Variants in STAG1 observed in about 807,000 individuals in gnomAD.
The protein encoded by STAG1 is cohesin subunit SA-1.
Under a neutral mutation model 170.9 loss-of-function variants are expected in STAG1, and 26 were observed. The ratio of observed to expected loss-of-function variants is 0.15; its 90% CI spans 0.11 to 0.21. The LOEUF (loss-of-function observed/expected upper bound fraction) is 0.21, where lower values mean the gene tolerates loss of function less well. Ranked by LOEUF, STAG1 falls within the 10% of genes least tolerant of loss-of-function variation. STAG1 has a pLI of 1.00. For missense variants in STAG1, 964 were observed against 1,509.5 expected (o/e 0.64, Z 5.99); for synonymous variants, 514 against 497.7 (o/e 1.03, Z -0.44).
chr3:136,724,631 T>C (rs1328927738), intron 1 of STAG1, among the ~76,000 whole-genome samples: 4 of 148,960 alleles, frequency 2.7e-5, no homozygotes, highest in African/African-American at 9.9e-5. Flanking sequence ...TTGGAGAGCA[T>C]GAATACTTAG....
intron 26 of STAG1, among the ~76,000 whole-genome samples, chr3:136,359,507 CAG>C (rs1490831372): frequency 6.6e-6 from 1 of 152,164 alleles, no homozygotes; most frequent in Non-Finnish European, 1.5e-5. Context: ...TAAATGCAGA[CAG>C]AAATTTGTTT....
intron 1 of STAG1, among the ~76,000 whole-genome samples, chr3:136,737,554 T>A (rs1934412340): frequency 6.6e-6 from 1 of 152,238 alleles, no homozygotes; most frequent in African/African-American, 2.4e-5. Flanking sequence ...CTGCATTTTA[T>A]GTTCACTTTT....
At chr3:136,351,446 C>A (rs1193666395) in intron 28 of STAG1, among the ~76,000 whole-genome samples, 1 of 152,066 alleles carries the variant, frequency 6.6e-6, no homozygotes, top group East Asian at 1.9e-4. Flanking sequence ...AATAAAAGTG[C>A]TGGGAGTTGG....
chr3:136,699,303 C>T (rs926901339), intron 1 of STAG1, among the ~76,000 whole-genome samples: 6 of 152,188 alleles, frequency 3.9e-5, no homozygotes, highest in African/African-American at 1.4e-4. Context: ...GAGACCACTG[C>T]TTTATTCAAA....
chr3:136,532,819 TGGGGA>T (rs1935443758), intron 6 of STAG1, among the ~76,000 whole-genome samples: 2 of 152,182 alleles, frequency 1.3e-5, no homozygotes, highest in Non-Finnish European at 1.5e-5. Context: ...TCATACTGAA[TGGGGA>T]AAAGTTCAAA....
intron 1 of STAG1, among the ~76,000 whole-genome samples, chr3:136,750,693 C>A (rs186628849): frequency 3.0e-4 from 46 of 152,278 alleles, no homozygotes; most frequent in Non-Finnish European, 6.2e-4. Context: ...AAGGAAAATG[C>A]GTGGCAAAAC....
At position 136,677,391 on chromosome 3, in the gene STAG1, C is replaced by T. The variant is rs141720374; in HGVS notation, c.-83-46410G>A. ...ATCATCTTATGAAATAACTGTCACA[C>T]GCAAGGTCACTGTTGACTGAAATGT... is the stretch of plus-strand genomic sequence containing the variant. On this transcript the variant is annotated intron_variant, in intron 1 of 33. Transcript: ENST00000383202. Among the ~76,000 whole-genome samples, 1,468 of 152,172 alleles carry T rather than the reference C, an allele frequency of 9.6e-3. 11 individuals carry two copies. Among genetic ancestry groups the T allele is most frequent in the Non-Finnish European group, 0.015 (997 of 68,010 alleles).
At chr3:136,742,345 A>G (rs67923745) in intron 1 of STAG1, among the ~76,000 whole-genome samples, 11,991 of 152,298 alleles carry the variant, frequency 0.079, 492 homozygotes, top group Non-Finnish European at 0.094. Flanking sequence ...GATTAAAATC[A>G]TAAAGATATG....
chr3:136,563,491 A>T (rs1474509957), intron 5 of STAG1, among the ~76,000 whole-genome samples: 1 of 151,350 alleles, frequency 6.6e-6, no homozygotes, highest in African/African-American at 2.4e-5. Context: ...CCTCACCTCA[A>T]TTCCCTCTAA....
intron 4 of STAG1, among the ~76,000 whole-genome samples, chr3:136,590,309 C>T (rs1647905155): frequency 6.6e-6 from 1 of 151,296 alleles, no homozygotes; most frequent in Non-Finnish European, 1.5e-5. Context: ...ACAGTGAAAC[C>T]CCGTCTCTAC....
At chr3:136,528,189 T>A (rs1012392647) in intron 6 of STAG1, among the ~76,000 whole-genome samples, 1 of 152,188 alleles carries the variant, frequency 6.6e-6, no homozygotes, top group African/African-American at 2.4e-5. Context: ...GGGTGGAGTC[T>A]ACAGAGGCAG....
Position 136,473,598 on chromosome 3 carries a change from T to A in STAG1, c.1066A>T (p.Ser356Cys). ...AATAATTCTCTATTGGTATATAGAC[T>A]CTGCAGAGCTTTCAAACACTTCAGC... ...VRLKCLKALQSLYTNRELFPK... is the reference protein window; with the variant it reads ...VRLKCLKALQCLYTNRELFPK... The change falls in exon 11 of 34, where the codon AGT (serine) becomes TGT (cysteine). Residue 356 changes from serine (S) to cysteine (C), a missense_variant. Around this residue, in one of 11 missense-constraint regions of STAG1, gnomAD observed 162 missense variants for 211.2 expected, o/e 0.77. Coordinates refer to ENST00000383202, the MANE Select transcript of STAG1 (RefSeq NM_005862.3). 6.2e-7 allele frequency: 1 copy of A among 1,612,622 alleles called. No individual in the cohort carries two copies. The highest frequency in any genetic ancestry group is 1.7e-5 in the Admixed American group (1 of 59,834).
At chr3:136,376,193 A>G (rs571513) in intron 23 of STAG1, among the ~76,000 whole-genome samples, 116,385 of 151,732 alleles carry the variant, frequency 0.77, 44,714 homozygotes, top group East Asian at 0.86. Flanking sequence ...GTCACTATTT[A>G]TAAGAGACAG....
At chr3:136,610,515 CTGAAT>C (rs1939219374) in intron 3 of STAG1, among the ~76,000 whole-genome samples, 1 of 152,060 alleles carries the variant, frequency 6.6e-6, no homozygotes, top group Non-Finnish European at 1.5e-5. Flanking sequence ...ATGCTTTTAA[CTGAAT>C]TGGAGAAGTG....
intron 16 of STAG1, among the ~76,000 whole-genome samples, chr3:136,424,333 T>A (rs2088049711): frequency 6.6e-6 from 1 of 150,398 alleles, no homozygotes; most frequent in African/African-American, 2.5e-5. Context: ...ACGATCTTTT[T>A]TTTTTTTTTT....
intron 7 of STAG1, among the ~76,000 whole-genome samples, chr3:136,519,680 G>A (rs1440801878): frequency 2.0e-5 from 3 of 151,576 alleles, no homozygotes; most frequent in Non-Finnish European, 2.9e-5. Context: ...AGGATACTAC[G>A]AAAGGTTGGC....
At chr3:136,683,648 G>A (rs1320231302) in intron 1 of STAG1, among the ~76,000 whole-genome samples, 1 of 152,082 alleles carries the variant, frequency 6.6e-6, no homozygotes, top group African/African-American at 2.4e-5. Flanking sequence ...AAGCAACAAG[G>A]CAAGGATGCC....
At chr3:136,606,594 A>G (rs1044753160) in intron 3 of STAG1, among the ~76,000 whole-genome samples, 19 of 152,148 alleles carry the variant, frequency 1.2e-4, no homozygotes, top group African/African-American at 4.6e-4. Context: ...TGGCTGTGAC[A>G]GTTTCTCAGA....
Position 136,369,192 on chromosome 3 carries a change from G to A in STAG1, c.2461C>T (p.Pro821Ser). ...REGLQPLVFN[P>S]DTGLQSELLS... ...AGTTCAGATTGGAGTCCAGTATCTG[G>A]ATTGAACACCAAAGGCTGAAGGCCC... The change falls in exon 24 of 34, where the codon CCA becomes TCA. Residue 821 changes from proline (P) to serine (S), a missense_variant. By Grantham distance (74) the Pro-to-Ser change is moderately conservative. Transcript: ENST00000383202. The A allele has an allele frequency of 3.1e-6, 5 of 1,606,136 alleles. No individual in the cohort carries two copies. Among genetic ancestry groups the A allele is most frequent in the Non-Finnish European group, 4.2e-6 (5 of 1,177,998 alleles).
Sources: allele counts gnomAD v4.1 joint callset (sites outside exome capture counted in the v4.1 genomes callset), GRCh38; gene constraint gnomAD v4.1.1; regional missense constraint gnomAD v4.1.1; transcripts MANE v1.5; gene names NCBI Gene and HGNC (gene_info 2026-07-23, HGNC 2026-07-21).